Variants in PCDHGA9 observed in about 807,000 individuals in gnomAD.
PCDHGA9 encodes protocadherin gamma subfamily A, 9, also known as protocadherin gamma-A9.
PCDHGA9 carries 37 observed loss-of-function variants against 62.5 expected under a neutral mutation model. The ratio of observed to expected loss-of-function variants is 0.59; its 90% CI spans 0.46 to 0.78. PCDHGA9 has a LOEUF of 0.78. PCDHGA9 is among the 30% of genes least tolerant of loss of function. The pLI is 0.00. For missense variants in PCDHGA9, 1,138 were observed against 1,166.2 expected, an observed-to-expected ratio of 0.98 and a Z score of 0.35; for synonymous variants, 459 against 484.6, an observed-to-expected ratio of 0.95 and a Z score of 0.69.
At chr5:141,468,403 A>C (rs2099166784) in intron 1 of PCDHGA9, 1 of 152,088 alleles carries the variant, frequency 6.6e-6, no homozygotes, top group African/African-American at 2.4e-5. Flanking sequence ...GGTGAGAACT[A>C]ATAATAAGTT....
At chr5:141,423,994 A>G (rs2096794168) in intron 1 of PCDHGA9, 17 of 1,081,216 alleles carry the variant, frequency 1.6e-5, no homozygotes, top group Non-Finnish European at 1.8e-5. Flanking sequence ...TCAATTTATT[A>G]TATATAGATA....
chr5:141,430,632 C>T, intron 1 of PCDHGA9: 1 of 852,604 alleles, frequency 1.2e-6, no homozygotes, highest in Non-Finnish European at 1.7e-6. Flanking sequence ...AATGAACCAT[C>T]CCTGGGAGTA....
intron 1 of PCDHGA9, chr5:141,478,485 G>C (rs2099459345): frequency 1.2e-6 from 2 of 1,613,204 alleles, no homozygotes; most frequent in East Asian, 4.5e-5. Flanking sequence ...AACACGCTGC[G>C]GAGCTGTGAT....
intron 1 of PCDHGA9, among the ~76,000 whole-genome samples, chr5:141,483,646 GTT>G (rs2099584256): frequency 6.8e-6 from 1 of 146,706 alleles, no homozygotes; most frequent in Admixed American, 6.7e-5. Flanking sequence ...AGGGGTGTGT[GTT>G]TGTGTGTGTG....
intron 1 of PCDHGA9, among the ~76,000 whole-genome samples, chr5:141,474,357 T>G (rs185194067): frequency 2.0e-4 from 30 of 152,302 alleles, no homozygotes; most frequent in African/African-American, 6.5e-4. Context: ...AAGTCATGTC[T>G]CAGTAGGTCT....
Position 141,438,011 on chromosome 5 carries a change from G to T in PCDHGA9, c.2424+32635G>T, listed in dbSNP as rs189978786. On this transcript the variant is annotated intron_variant, in intron 1 of 3. Coordinates refer to ENST00000573521, the MANE Select transcript of PCDHGA9 (RefSeq NM_018921.3). ...CCACCTCAGCCTCCCAAATAGCTGAGATTACAGGTGTGAGCCACCATGCCC... is the reference window on the plus strand; with the variant it reads ...CCACCTCAGCCTCCCAAATAGCTGATATTACAGGTGTGAGCCACCATGCCC... 2.8e-3 allele frequency among the ~76,000 whole-genome samples: 432 copies of T among 152,220 alleles called. 1 individual carries two copies. The highest frequency in any genetic ancestry group is 0.021 in the Admixed American group (318 of 15,288).
At chr5:141,499,331 TCA>T (rs2099791249) in intron 2 of PCDHGA9, among the ~76,000 whole-genome samples, 1 of 152,220 alleles carries the variant, frequency 6.6e-6, no homozygotes, top group African/African-American at 2.4e-5. Context: ...CTGCTCTCTC[TCA>T]GTTTGGGCAG....
At chr5:141,406,497 G>A (rs918411920) in intron 1 of PCDHGA9, among the ~76,000 whole-genome samples, 2 of 152,200 alleles carry the variant, frequency 1.3e-5, no homozygotes, top group African/African-American at 4.8e-5. Context: ...TCACAAGTGT[G>A]TAAAGTCTGT....
At chr5:141,434,080 A>G (rs775751994) in intron 1 of PCDHGA9, among the ~76,000 whole-genome samples, 2 of 152,042 alleles carry the variant, frequency 1.3e-5, no homozygotes, top group Non-Finnish European at 2.9e-5. Flanking sequence ...TCAATTATTT[A>G]TTTTGATGCT....
intron 1 of PCDHGA9, chr5:141,415,721 G>A (rs1201366552): frequency 3.0e-6 from 2 of 675,878 alleles, no homozygotes; most frequent in Admixed American, 7.4e-5. Context: ...CTGATGAGTA[G>A]AATTTGATGT....
Position 141,403,949 on chromosome 5 carries a change from G to T in PCDHGA9, c.997G>T (p.Val333Leu). 1.2e-6 allele frequency: 2 copies of T among 1,613,886 alleles called. No individual in the cohort carries two copies. The highest frequency in any genetic ancestry group is 1.7e-6 in the Non-Finnish European group (2 of 1,179,878). The change falls in exon 1 of 4, where the codon GTG (valine) becomes TTG (leucine). Residue 333 changes from valine to leucine, a missense_variant. Coordinates refer to ENST00000573521, the MANE Select transcript of PCDHGA9 (RefSeq NM_018921.3). ...DGGGLKGWTK[V>L]LISVEDVNDN... ...TGGGGGATTGAAAGGGTGGACAAAA[G>T]TGCTCATTTCGGTGGAAGATGTAAA...
intron 1 of PCDHGA9, chr5:141,441,986 C>G (rs2098288559): frequency 7.4e-6 from 2 of 269,216 alleles, no homozygotes; most frequent in Non-Finnish European, 1.5e-5. Flanking sequence ...GAATGCGCAC[C>G]GACGAGGTGC....
In PCDHGA9 at chr5:141,491,723, G is replaced by A. The variant is rs764792125; in HGVS notation, c.2425-3084G>A. The A allele has an allele frequency of 1.7e-5, 27 of 1,606,770 alleles. No individual in the cohort carries two copies. In the African/African-American group the frequency reaches 3.2e-4, roughly 19 times the overall value. On this transcript the variant is annotated intron_variant, in intron 1 of 3. Coordinates refer to ENST00000573521, the MANE Select transcript of PCDHGA9 (RefSeq NM_018921.3). The surrounding 1 kb of genome is among the most constrained non-coding windows in gnomAD (Gnocchi z 6.9). The stretch of plus-strand genomic sequence containing the variant: ...CAGGTGAGGGGCTCGGCGCCGCCCC[G>A]GGCGACCCCTGGGGGCGGCACTGGA...
chr5:141,422,275 A>G (rs367711513), intron 1 of PCDHGA9: 6 of 1,560,374 alleles, frequency 3.8e-6, no homozygotes, highest in East Asian at 2.2e-5. Flanking sequence ...AGAAATAACT[A>G]TCACCTCTTC....
In PCDHGA9 at chr5:141,403,027, G is replaced by C; in HGVS notation, c.75G>C (p.Glu25Asp). Residue 25 changes from glutamate to aspartate, a missense_variant, in exon 1 of 4, where the codon GAG (glutamate) becomes GAC (aspartate). By Grantham distance (45) the Glu-to-Asp change is conservative (BLOSUM62 2). Transcript: ENST00000573521. ...GCTCGCTCCTGGGGATGCTATGGGA[G>C]GCCAGGGCCAGTCAGATTCGCTACT... ...LLCSLLGMLW[E>D]ARASQIRYSV... 2 of 1,614,070 alleles carry C rather than the reference G, an allele frequency of 1.2e-6. No homozygotes were observed. Among genetic ancestry groups the C allele is most frequent in the Non-Finnish European group, 1.7e-6 (2 of 1,179,904 alleles).
At chr5:141,410,914 C>T (rs1399369063) in intron 1 of PCDHGA9, 4 of 246,122 alleles carry the variant, frequency 1.6e-5, no homozygotes, top group Admixed American at 6.8e-5. Context: ...AGTGCAGTGG[C>T]GTGATCTCTG....
At chr5:141,417,826 A>T in intron 1 of PCDHGA9, 1 of 1,519,618 alleles carries the variant, frequency 6.6e-7, no homozygotes. Flanking sequence ...CTCCAACTGG[A>T]AAAGCGGGGA....
At chr5:141,428,290 C>A in intron 1 of PCDHGA9, 1 of 726,802 alleles carries the variant, frequency 1.4e-6, no homozygotes, top group Non-Finnish European at 2.4e-6. Context: ...CCAAGCAAAG[C>A]TGCAGATTTA....
intron 1 of PCDHGA9, among the ~76,000 whole-genome samples, chr5:141,436,383 G>C (rs1374382672): frequency 6.6e-6 from 1 of 152,104 alleles, no homozygotes; most frequent in Admixed American, 6.5e-5. Context: ...AGCTGAATAG[G>C]CTTTATTAAA....
Sources: allele counts gnomAD v4.1 joint callset (sites outside exome capture counted in the v4.1 genomes callset), GRCh38; gene constraint gnomAD v4.1.1; non-coding constraint Gnocchi (gnomAD v3.1); transcripts MANE v1.5; gene names NCBI Gene and HGNC (gene_info 2026-07-23, HGNC 2026-07-21).